STK24: variants seen among roughly 807,000 people sequenced by gnomAD.
STK24 encodes serine/threonine kinase 24.
Under a neutral mutation model 55.6 loss-of-function variants are expected in STK24, and 21 were observed. That is an observed-to-expected ratio of 0.38 (90% confidence interval 0.27 to 0.54). STK24 has a LOEUF of 0.54. Ranked by LOEUF, STK24 falls within the 20% of genes least tolerant of loss-of-function variation. The pLI is 0.79. For missense variants in STK24, 383 were observed against 538.4 expected, an observed-to-expected ratio of 0.71 and a Z score of 2.86; for synonymous variants, 200 against 215.2, an observed-to-expected ratio of 0.93 and a Z score of 0.62.
intron 1 of STK24, among the ~76,000 whole-genome samples, chr13:98,528,482 A>G (rs559477020): frequency 5.6e-4 from 85 of 152,304 alleles, no homozygotes; most frequent in African/African-American, 1.9e-3. Context: ...GTATCCTATT[A>G]CCCACCCAAG....
intron 10 of STK24, chr13:98,456,529 A>G (rs1449441643): frequency 3.9e-6 from 2 of 515,614 alleles, no homozygotes; most frequent in African/African-American, 3.9e-5. Context: ...GCCAGATGGC[A>G]GTCAGGAGGG....
chr13:98,569,413 CAAAA>C (rs11316359), intron 1 of STK24, among the ~76,000 whole-genome samples: 4 of 127,144 alleles, frequency 3.1e-5, no homozygotes, highest in Admixed American at 2.4e-4. Context: ...ACAGCAGAGA[CAAAA>C]AAAAAAAAAC....
chr13:98,446,306 C>G lies in STK24; in HGVS notation c.*6867G>C. The G allele has an allele frequency of 1.3e-6, 1 of 741,434 alleles. No homozygotes were observed. The highest frequency in any genetic ancestry group is 2.3e-6 in the Non-Finnish European group (1 of 434,698). 45.9% of individuals were successfully genotyped at this position (741,434 alleles called of 1,614,324 possible). A position where few individuals can be genotyped will look rare whatever the true frequency, so the allele number is the denominator to read the frequency against. ...TGGAATGACTCAGGCCTCTTGGGCTCCAGGTGTCACGGGGATGACAGGGAT... is the reference window on the plus strand; with the variant it reads ...TGGAATGACTCAGGCCTCTTGGGCTGCAGGTGTCACGGGGATGACAGGGAT... On this transcript the variant is annotated 3_prime_UTR_variant, in exon 11 of 11. Coordinates refer to ENST00000539966, the MANE Select transcript of STK24 (RefSeq NM_001032296.4).
At position 98,477,959 on chromosome 13, in the gene STK24, C is replaced by G. The variant is rs1894441622; in HGVS notation, c.331-2601G>C. Among the ~76,000 whole-genome samples, 3 of 152,144 alleles carry G rather than the reference C, an allele frequency of 2.0e-5. 1 individual carries two copies. In the South Asian group the frequency reaches 6.2e-4, roughly 32 times the overall value. ...CATGGTTCTGCCCTTTTAAATCTGC[C>G]CTGAACACCATCCATCATTGACTTA... is the stretch of plus-strand genomic sequence containing the variant. On this transcript the variant is annotated intron_variant, in intron 3 of 10. Transcript: ENST00000539966.
At chr13:98,465,169 G>A (rs531166538) in intron 6 of STK24, among the ~76,000 whole-genome samples, 142 of 152,302 alleles carry the variant, frequency 9.3e-4, no homozygotes, top group South Asian at 1.7e-3. Context: ...ACACCGAGTC[G>A]AACCAAGTTC....
intron 5 of STK24, among the ~76,000 whole-genome samples, chr13:98,468,715 C>T (rs1163445046): frequency 1.3e-5 from 2 of 152,222 alleles, no homozygotes; most frequent in Admixed American, 6.5e-5. Context: ...AGAGCCTTCT[C>T]ATTTGTAAGG....
intron 2 of STK24, among the ~76,000 whole-genome samples, chr13:98,516,699 TGAAG>T (rs145586585): frequency 0.18 from 27,473 of 152,028 alleles, 2,775 homozygotes; most frequent in Non-Finnish European, 0.24. Context: ...CTTGTCAAGA[TGAAG>T]GAACAATAAG....
chr13:98,522,070 C>T, intron 1 of STK24: 1 of 1,378,974 alleles, frequency 7.3e-7, no homozygotes, highest in Admixed American at 3.2e-5. Flanking sequence ...GTCCTCCCCA[C>T]CACTGCAGCC....
At chr13:98,463,640 C>A (rs1295787152) in intron 7 of STK24, 51 bp downstream of exon 7, 3 of 1,534,998 alleles carry the variant, frequency 2.0e-6, no homozygotes, top group East Asian at 2.3e-5. Context: ...GTGACAAAGA[C>A]CAGCGGATCC....
intron 1 of STK24, among the ~76,000 whole-genome samples, chr13:98,533,689 A>G (rs1896638491): frequency 6.6e-6 from 1 of 152,130 alleles, no homozygotes; most frequent in Non-Finnish European, 1.5e-5. Flanking sequence ...CGATTTTTGA[A>G]AAGTATTAAA....
chr13:98,470,410 C>T (rs569300530), intron 5 of STK24, among the ~76,000 whole-genome samples: 2 of 152,288 alleles, frequency 1.3e-5, no homozygotes, highest in South Asian at 2.1e-4. Flanking sequence ...GGATTATAGG[C>T]GTGAGCCACT....
At chr13:98,533,920 T>C (rs1218024505) in intron 1 of STK24, among the ~76,000 whole-genome samples, 2 of 152,162 alleles carry the variant, frequency 1.3e-5, no homozygotes, top group African/African-American at 4.8e-5. Flanking sequence ...GCATAGTGTG[T>C]GCCAAGGTGA....
chr13:98,542,777 C>T, intron 1 of STK24: 2 of 952,888 alleles, frequency 2.1e-6, no homozygotes, highest in Non-Finnish European at 2.5e-6. Context: ...ATGGTGCAAT[C>T]TACTTTCTAT....
intron 5 of STK24, among the ~76,000 whole-genome samples, chr13:98,473,117 G>T (rs189991057): frequency 4.6e-4 from 70 of 150,766 alleles, no homozygotes; most frequent in African/African-American, 1.7e-3. Context: ...ATGAATTTAA[G>T]ACATACAGGA....
Position 98,446,577 on chromosome 13 carries a change from C to CCAAGT in STK24, c.*6591_*6595dup, listed in dbSNP as rs1892848904. 2.8e-6 allele frequency: 4 copies of CCAAGT among 1,425,236 alleles called. No individual in the cohort carries two copies. Among genetic ancestry groups the CCAAGT allele is most frequent in the Non-Finnish European group, 3.9e-6 (4 of 1,024,532 alleles). 88.3% of individuals were successfully genotyped at this position (1,425,236 alleles called of 1,614,324 possible). A position where few individuals can be genotyped will look rare whatever the true frequency, so the allele number is the denominator to read the frequency against. On this transcript the variant is annotated 3_prime_UTR_variant, in exon 11 of 11. Transcript: ENST00000539966. ...CCCGAGGAGGGAGCTGCCTGGGCTCCCAAGTCCCTGTCTGATGCGGGGCAG... is the reference window on the plus strand; with the variant it reads ...CCCGAGGAGGGAGCTGCCTGGGCTCCCAAGTCAAGTCCCTGTCTGATGCGGGGCAG...
intron 1 of STK24, among the ~76,000 whole-genome samples, chr13:98,561,813 C>T (rs1353954585): frequency 6.6e-6 from 1 of 151,560 alleles, no homozygotes; most frequent in Non-Finnish European, 1.5e-5. Flanking sequence ...CCCATCTCTA[C>T]TAAAAATACA....
intron 2 of STK24, among the ~76,000 whole-genome samples, chr13:98,497,490 T>C (rs553413527): frequency 6.6e-6 from 1 of 152,322 alleles, no homozygotes; most frequent in East Asian, 1.9e-4. Context: ...GATGCCCTAG[T>C]GAAAACCAGG....
chr13:98,476,360 T>A (rs9556960), intron 3 of STK24, among the ~76,000 whole-genome samples: 1 of 152,000 alleles, frequency 6.6e-6, no homozygotes, highest in Middle Eastern at 3.4e-3. Flanking sequence ...AGAGGGCAGA[T>A]GTCTAATCGA....
rs1893169863 is a variant in STK24, at chr13:98,451,126, A to C, written c.*2047T>G. 1 of 152,176 alleles carries C rather than the reference A, an allele frequency of 6.6e-6. No individual in the cohort carries two copies. Among genetic ancestry groups the C allele is most frequent in the African/African-American group, 2.4e-5 (1 of 41,446 alleles). The allele number at this position is 152,176 out of a possible 1,614,324, so 9.4% of individuals were successfully genotyped here. On this transcript the variant is annotated 3_prime_UTR_variant, in exon 11 of 11. Coordinates refer to ENST00000539966, the MANE Select transcript of STK24 (RefSeq NM_001032296.4). ...AGCATGAGACTGGCTTCAGTGCTAA[A>C]AACTGTGATGTCATTGTCCATTTGT...
Sources: allele counts gnomAD v4.1 joint callset (sites outside exome capture counted in the v4.1 genomes callset), GRCh38; gene constraint gnomAD v4.1.1; transcripts MANE v1.5; gene names NCBI Gene and HGNC (gene_info 2026-07-23, HGNC 2026-07-21).